FLRT1: variants seen among roughly 807,000 people sequenced by gnomAD.
The protein encoded by FLRT1 is fibronectin leucine rich transmembrane protein 1.
FLRT1 carries 14 observed loss-of-function variants against 30.9 expected under a neutral mutation model. The observed-to-expected ratio is 0.45, with a 90% CI of 0.30 to 0.71. FLRT1 has a LOEUF of 0.71. Ranked by LOEUF, FLRT1 falls within the 30% of genes least tolerant of loss-of-function variation. FLRT1 has a pLI of 0.08. For missense variants in FLRT1, 737 were observed against 949.2 expected (o/e 0.78, Z 2.94); for synonymous variants, 368 against 430.4 (o/e 0.85, Z 1.80).
chr11:64,114,549 A>C (rs1171011168), intron 2 of FLRT1, among the ~76,000 whole-genome samples: 1 of 38,480 alleles, frequency 2.6e-5, no homozygotes, highest in African/African-American at 4.3e-5. Context: ...GGATTGATGC[A>C]TGGATGGATG....
At chr11:64,088,348 G>T (rs973345488) in intron 1 of FLRT1, among the ~76,000 whole-genome samples, 1 of 152,180 alleles carries the variant, frequency 6.6e-6, no homozygotes, top group Non-Finnish European at 1.5e-5. Flanking sequence ...CATAGACCAG[G>T]GGGCAGTGGG....
chr11:64,101,731 C>T (rs1944674868), intron 1 of FLRT1, among the ~76,000 whole-genome samples: 1 of 152,210 alleles, frequency 6.6e-6, no homozygotes, highest in South Asian at 2.1e-4. Context: ...CCTCATCTTC[C>T]CTCCTGCGTA....
At chr11:64,101,891 C>T (rs909613422) in intron 1 of FLRT1, among the ~76,000 whole-genome samples, 4 of 152,178 alleles carry the variant, frequency 2.6e-5, no homozygotes, top group Admixed American at 1.3e-4. Flanking sequence ...CCCCTGCCAC[C>T]CTGTCCACCC....
intron 1 of FLRT1, among the ~76,000 whole-genome samples, chr11:64,080,076 C>T (rs74727861): frequency 0.015 from 2,295 of 152,232 alleles, 48 homozygotes; most frequent in African/African-American, 0.051. Flanking sequence ...GCAATGGCAC[C>T]ATCCCTGTTC....
At chr11:64,083,376 C>A (rs1287303503) in intron 1 of FLRT1, among the ~76,000 whole-genome samples, 2 of 152,188 alleles carry the variant, frequency 1.3e-5, no homozygotes, top group Non-Finnish European at 2.9e-5. Flanking sequence ...GTGGAGATTG[C>A]CATGAGCTGA....
At chr11:64,059,829 G>A (rs1590852185) in intron 1 of FLRT1, among the ~76,000 whole-genome samples, 2 of 152,356 alleles carry the variant, frequency 1.3e-5, no homozygotes, top group Admixed American at 1.3e-4. Flanking sequence ...GACCCCGAGA[G>A]GCCCGCCCCT....
Position 64,117,341 on chromosome 11 carries a change from G to C in FLRT1, c.1074G>C (p.Gln358His). ...AVVNVRGLMC[Q>H]GPEKVRGMAI... is the part of the protein sequence containing the mutation. ...TCAACGTGCGGGGCCTCATGTGCCA[G>C]GGCCCTGAGAAGGTCCGGGGCATGG... The change falls in exon 3 of 3, where the codon CAG (glutamine) becomes CAC (histidine). Residue 358 changes from glutamine to histidine, a missense_variant. Coordinates refer to ENST00000682287, the MANE Select transcript of FLRT1 (RefSeq NM_013280.5). The C allele has an allele frequency of 6.2e-7, 1 of 1,614,036 alleles. No homozygotes were observed. The highest frequency in any genetic ancestry group is 8.5e-7 in the Non-Finnish European group (1 of 1,179,958).
chr11:64,093,954 A>G (rs1368450225), intron 1 of FLRT1, among the ~76,000 whole-genome samples: 1 of 152,236 alleles, frequency 6.6e-6, no homozygotes, highest in Non-Finnish European at 1.5e-5. Context: ...AGCAGAGGAT[A>G]GCTGGCTGAT....
chr11:64,095,903 T>A (rs1351648974), intron 1 of FLRT1, among the ~76,000 whole-genome samples: 2 of 152,220 alleles, frequency 1.3e-5, no homozygotes, highest in African/African-American at 2.4e-5. Context: ...GGGAGCTGAC[T>A]GCCTTTGGGC....
intron 1 of FLRT1, among the ~76,000 whole-genome samples, chr11:64,078,337 C>T (rs1274550269): frequency 6.6e-6 from 1 of 152,246 alleles, no homozygotes; most frequent in Non-Finnish European, 1.5e-5. Context: ...GCCTGCCTCC[C>T]CTCCCAGTCC....
At chr11:64,058,388 C>T (rs1943831633) in intron 1 of FLRT1, among the ~76,000 whole-genome samples, 1 of 152,096 alleles carries the variant, frequency 6.6e-6, no homozygotes, top group African/African-American at 2.4e-5. Context: ...CAGTCACCTG[C>T]AGGTGAGGAG....
chr11:64,059,165 G>A (rs1274024505), intron 1 of FLRT1, among the ~76,000 whole-genome samples: 1 of 152,174 alleles, frequency 6.6e-6, no homozygotes. Flanking sequence ...TCCCCCAGAG[G>A]ACAGACTTGG....
chr11:64,068,291 C>A (rs959234226), intron 1 of FLRT1, among the ~76,000 whole-genome samples: 1 of 152,230 alleles, frequency 6.6e-6, no homozygotes, highest in Non-Finnish European at 1.5e-5. Flanking sequence ...CCACCCCAAC[C>A]CCACCCAGCA....
rs370018501 is a variant in FLRT1, at chr11:64,098,501, C to T, written c.-1037-4693C>T. Among the ~76,000 whole-genome samples the T allele has an allele frequency of 3.0e-3, 451 of 152,316 alleles. 2 individuals carry two copies. The highest frequency in any genetic ancestry group is 0.01 in the African/African-American group (423 of 41,564). ...CCCAGCCTTCTGTCTCCAGTGCCCT[C>T]GGGAGAGAGGGAATAAGCAGCCCCC... is the stretch of plus-strand genomic sequence containing the variant. On this transcript the variant is annotated intron_variant, in intron 1 of 2. Coordinates refer to ENST00000682287, the MANE Select transcript of FLRT1 (RefSeq NM_013280.5).
At chr11:64,038,254 G>T (rs548502933) in intron 1 of FLRT1, among the ~76,000 whole-genome samples, 1 of 152,348 alleles carries the variant, frequency 6.6e-6, no homozygotes, top group South Asian at 2.1e-4. Flanking sequence ...CCTGGTGGCT[G>T]AGCCTGTGTC....
chr11:64,072,338 G>C (rs975457239), intron 1 of FLRT1, among the ~76,000 whole-genome samples: 1 of 152,196 alleles, frequency 6.6e-6, no homozygotes, highest in Non-Finnish European at 1.5e-5. Flanking sequence ...GAGCCTTTGG[G>C]GGTTGCCTCT....
chr11:64,071,035 CTT>C (rs1218752946), intron 1 of FLRT1, among the ~76,000 whole-genome samples: 2 of 152,158 alleles, frequency 1.3e-5, no homozygotes, highest in African/African-American at 4.8e-5. Flanking sequence ...ATACTCATCT[CTT>C]TATTCTTCTC....
At chr11:64,072,124 G>C (rs927009289) in intron 1 of FLRT1, among the ~76,000 whole-genome samples, 1 of 152,224 alleles carries the variant, frequency 6.6e-6, no homozygotes, top group African/African-American at 2.4e-5. Flanking sequence ...GGCCTGCCCC[G>C]GCTGGCAGCC....
chr11:64,078,126 C>T (rs996740607), intron 1 of FLRT1, among the ~76,000 whole-genome samples: 4 of 152,220 alleles, frequency 2.6e-5, no homozygotes, highest in African/African-American at 7.2e-5. Context: ...CTGCAGGCAG[C>T]ACTCCTTTCC....
Sources: gnomAD v4.1 joint callset for allele counts (sites outside exome capture counted in the v4.1 genomes callset) on GRCh38, gnomAD v4.1.1 for gene constraint, MANE v1.5 for transcripts, NCBI Gene and HGNC (gene_info 2026-07-23, HGNC 2026-07-21) for gene names.